The following SPEF2 variants were observed in gnomAD, a reference collection of about 807,000 sequenced individuals.
SPEF2 encodes sperm flagellar and cilia associated 2.
Under a neutral mutation model 224.6 loss-of-function variants are expected in SPEF2, and 187 were observed. The observed-to-expected ratio is 0.83, with a 90% CI of 0.74 to 0.94. The LOEUF (loss-of-function observed/expected upper bound fraction) is 0.94. Ranked by LOEUF, SPEF2 falls within the 40% of genes least tolerant of loss-of-function variation. The pLI, the probability that SPEF2 is intolerant of heterozygous loss-of-function variation, is 0.00. For missense variants in SPEF2, 2,170 were observed against 2,135.6 expected (o/e 1.02, Z -0.32); for synonymous variants, 715 against 707.3 (o/e 1.01, Z -0.17).
chr5:35,724,229 A>G (rs1183855088), intron 20 of SPEF2, among the ~76,000 whole-genome samples: 5 of 152,030 alleles, frequency 3.3e-5, no homozygotes, highest in African/African-American at 4.8e-5. Flanking sequence ...AATATTATCT[A>G]CCCTCCCACA....
chr5:35,663,549 T>C (rs1364606951), intron 8 of SPEF2, among the ~76,000 whole-genome samples: 1 of 151,994 alleles, frequency 6.6e-6, no homozygotes, highest in African/African-American at 2.4e-5. Context: ...ATCCACTGAG[T>C]GTTATCATTT....
intron 3 of SPEF2, among the ~76,000 whole-genome samples, chr5:35,642,813 C>T (rs548568572): frequency 6.6e-6 from 1 of 152,228 alleles, no homozygotes; most frequent in East Asian, 1.9e-4. Flanking sequence ...GGGCTATCTC[C>T]ATGTTTATAT....
At chr5:35,730,348 G>T (rs144993191) in intron 21 of SPEF2, among the ~76,000 whole-genome samples, 2 of 152,328 alleles carry the variant, frequency 1.3e-5, no homozygotes, top group East Asian at 1.9e-4. Context: ...CCCAAGACCA[G>T]GACTCCACGA....
chr5:35,664,297 A>G (rs1750139690), intron 8 of SPEF2, among the ~76,000 whole-genome samples: 2 of 149,620 alleles, frequency 1.3e-5, no homozygotes, highest in South Asian at 2.1e-4. Flanking sequence ...AAAAAAGAGG[A>G]AAGAAGGAAG....
intron 1 of SPEF2, among the ~76,000 whole-genome samples, chr5:35,622,585 T>A (rs1743677969): frequency 6.6e-6 from 1 of 152,242 alleles, no homozygotes; most frequent in African/African-American, 2.4e-5. Context: ...CTGGGCCTGC[T>A]GCCTTTTAGT....
chr5:35,740,334 A>C (rs1747399815), intron 23 of SPEF2, 67 bp downstream of exon 23: 1 of 1,579,324 alleles, frequency 6.3e-7, no homozygotes, highest in African/African-American at 1.3e-5. Context: ...CAAAACCCCA[A>C]CTCATTTGCT....
chr5:35,790,316 T>G, intron 30 of SPEF2: 1 of 593,788 alleles, frequency 1.7e-6, no homozygotes, highest in Non-Finnish European at 3.0e-6. Flanking sequence ...CTTCAACTGG[T>G]GACACAAGAT....
intron 20 of SPEF2, among the ~76,000 whole-genome samples, chr5:35,716,430 A>G (rs1404610856): frequency 3.3e-5 from 5 of 152,078 alleles, no homozygotes; most frequent in Non-Finnish European, 1.5e-5. Context: ...TTAAAAAGAC[A>G]TGTATATTAG....
In SPEF2 at chr5:35,763,671, G is replaced by C. The variant is rs767733976; in HGVS notation, c.3770G>C (p.Trp1257Ser). The C allele has an allele frequency of 6.2e-7, 1 of 1,612,756 alleles. No homozygotes were observed. Among genetic ancestry groups the C allele is most frequent in the East Asian group, 2.2e-5 (1 of 44,868 alleles). Residue 1257 changes from tryptophan to serine, a missense_variant, in exon 26 of 37, where the codon TGG becomes TCG. Coordinates refer to ENST00000356031, the MANE Select transcript of SPEF2 (RefSeq NM_024867.4). ...EADEKLVMDTWQQASLAVSHM... is the reference protein window; with the variant it reads ...EADEKLVMDTSQQASLAVSHM... ...GATGAAAAGTTGGTCATGGACACCT[G>C]GCAGCAGGCTTCTTTAGCAGTATCT... is the stretch of plus-strand genomic sequence containing the variant.
rs570865988 is a variant in SPEF2, at chr5:35,719,457, A to G, written c.2914+6571A>G. ...AATTATTTCTGTGTAGGCCTTTTGG[A>G]TTGGTTTTGATGGAAGTCTGTTCCA... On this transcript the variant is annotated intron_variant, in intron 20 of 36. Transcript: ENST00000356031. Among the ~76,000 whole-genome samples the G allele has an allele frequency of 2.6e-5, 4 of 152,138 alleles. No individual in the cohort carries two copies. In the South Asian group the frequency reaches 8.3e-4, roughly 32 times the overall value.
At chr5:35,715,180 G>A (rs1742295444) in intron 20 of SPEF2, among the ~76,000 whole-genome samples, 1 of 152,048 alleles carries the variant, frequency 6.6e-6, no homozygotes, top group South Asian at 2.1e-4. Context: ...GCCTTCCAAA[G>A]TGCTGGGATT....
At chr5:35,700,139 T>TC in intron 15 of SPEF2, 1 of 194,586 alleles carries the variant, frequency 5.1e-6, no homozygotes, top group Non-Finnish European at 1.1e-5. Flanking sequence ...TTGTGAGGCT[T>TC]CCCCCACCAT....
chr5:35,739,802 G>C, intron 21 of SPEF2, 117 bp from the exon 22 acceptor site: 1 of 1,137,296 alleles, frequency 8.8e-7, no homozygotes, highest in Non-Finnish European at 1.2e-6. Flanking sequence ...CACAGGGAAT[G>C]CTTTATGTAG....
In SPEF2 at chr5:35,773,826, G is replaced by A; in HGVS notation, c.3950-67G>A. 5 of 1,532,682 alleles carry A rather than the reference G, an allele frequency of 3.3e-6. No individual in the cohort carries two copies. The South Asian group carries it at 5.2e-5, about 16-fold the overall frequency. The allele number at this position is 1,532,682 out of a possible 1,614,324, so 94.9% of individuals were successfully genotyped here. ...ACAAACTTTGCTTTGTGCTCATTCTGTCCAAGTACTATGTGCACACCTTTG... is the reference window on the plus strand; with the variant it reads ...ACAAACTTTGCTTTGTGCTCATTCTATCCAAGTACTATGTGCACACCTTTG... On this transcript the variant is annotated intron_variant, in intron 27 of 36. Transcript: ENST00000356031.
At chr5:35,810,881 T>C (rs1331256597) in intron 36 of SPEF2, among the ~76,000 whole-genome samples, 1 of 152,150 alleles carries the variant, frequency 6.6e-6, no homozygotes, top group Non-Finnish European at 1.5e-5. Flanking sequence ...AGTCATCTAC[T>C]TTAACTCTCC....
In SPEF2 at chr5:35,704,467, G is replaced by A. The variant is rs4128694; in HGVS notation, c.2399-87G>A. 6 of 766,726 alleles carry A rather than the reference G, an allele frequency of 7.8e-6. No homozygotes were observed. In the African/African-American group the frequency reaches 1.1e-4, roughly 14 times the overall value. The allele number at this position is 766,726 out of a possible 1,614,324, so 47.5% of individuals were successfully genotyped here. ...CTGGACCAAATACAGGACCGTATCT[G>A]TTTGGCATCTTTCACCAGTATATTT... On this transcript the variant is annotated intron_variant, in intron 16 of 36. Transcript: ENST00000356031.
chr5:35,618,981 C>T (rs55838092), intron 1 of SPEF2, among the ~76,000 whole-genome samples: 21,520 of 152,076 alleles, frequency 0.14, 2,500 homozygotes, highest in East Asian at 0.55. Flanking sequence ...GGCAGTGGTG[C>T]CAGTTCAACC....
intron 8 of SPEF2, among the ~76,000 whole-genome samples, chr5:35,660,451 T>C (rs1421363543): frequency 1.3e-5 from 2 of 152,226 alleles, no homozygotes; most frequent in African/African-American, 4.8e-5. Context: ...GCCAAAATTA[T>C]GCAATTTTTA....
chr5:35,709,407 G>A, intron 19 of SPEF2: 1 of 1,166,892 alleles, frequency 8.6e-7, no homozygotes, highest in Non-Finnish European at 1.1e-6. Flanking sequence ...CAGAGTAACA[G>A]GTAACTTCAG....
Sources: gnomAD v4.1 joint callset for allele counts (sites outside exome capture counted in the v4.1 genomes callset) on GRCh38, gnomAD v4.1.1 for gene constraint, MANE v1.5 for transcripts, NCBI Gene and HGNC (gene_info 2026-07-23, HGNC 2026-07-21) for gene names.